MEMO1: variants seen among roughly 807,000 people sequenced by gnomAD.
MEMO1 encodes the protein mediator of cell motility 1.
Under a neutral mutation model 45.2 loss-of-function variants are expected in MEMO1, and 6 were observed. The ratio of observed to expected loss-of-function variants is 0.13; its 90% CI spans 0.07 to 0.26. MEMO1 has a LOEUF of 0.26. Among genes scored for constraint, MEMO1 ranks in the 10% least tolerant of loss-of-function variants. The pLI is 1.00. For synonymous variants in MEMO1, 78 were observed against 124.3 expected (o/e 0.63, Z 2.48); for missense variants, 184 against 370.5 (o/e 0.50, Z 4.13).
intron 4 of MEMO1, among the ~76,000 whole-genome samples, chr2:31,928,153 C>A (rs1366305204): frequency 1.3e-5 from 2 of 152,186 alleles, no homozygotes; most frequent in Non-Finnish European, 2.9e-5. Flanking sequence ...CTTCATAGAA[C>A]AGGCAAGTTT....
chr2:31,975,003 T>C (rs1430954169), intron 2 of MEMO1, among the ~76,000 whole-genome samples: 2 of 151,690 alleles, frequency 1.3e-5, no homozygotes. Flanking sequence ...AAACCCCATC[T>C]CTACTAAAAA....
At chr2:31,899,171 T>A (rs1048498069) in intron 6 of MEMO1, among the ~76,000 whole-genome samples, 2 of 152,106 alleles carry the variant, frequency 1.3e-5, no homozygotes, top group African/African-American at 2.4e-5. Flanking sequence ...CTTCACAGAA[T>A]TAGAAAAAAC....
At chr2:31,912,513 CA>C (rs752295550) in intron 6 of MEMO1, among the ~76,000 whole-genome samples, 2,008 of 60,544 alleles carry the variant, frequency 0.033, 10 homozygotes, top group African/African-American at 0.087. Flanking sequence ...AACTCTGTCT[CA>C]AAAAAAAAAA....
chr2:31,922,058 T>TA (rs1202625206), intron 4 of MEMO1, among the ~76,000 whole-genome samples: 1 of 151,978 alleles, frequency 6.6e-6, no homozygotes, highest in East Asian at 1.9e-4. Flanking sequence ...CCACATCACA[T>TA]ACAAAACTTA....
intron 8 of MEMO1, among the ~76,000 whole-genome samples, chr2:31,882,823 A>C (rs942138715): frequency 6.6e-6 from 1 of 152,180 alleles, no homozygotes; most frequent in Non-Finnish European, 1.5e-5. Flanking sequence ...ATTTACTTCA[A>C]GTTTACATAT....
At chr2:31,957,082 C>T (rs1240168396) in intron 2 of MEMO1, among the ~76,000 whole-genome samples, 2 of 146,920 alleles carry the variant, frequency 1.4e-5, no homozygotes, top group African/African-American at 2.5e-5. Context: ...GTGGAGATTG[C>T]GGTGAAATGA....
chr2:31,918,392 T>C (rs748768037), intron 5 of MEMO1, among the ~76,000 whole-genome samples: 4 of 152,340 alleles, frequency 2.6e-5, no homozygotes, highest in African/African-American at 9.6e-5. Flanking sequence ...TCTAGGCTTT[T>C]CCTTGACTTT....
intron 3 of MEMO1, among the ~76,000 whole-genome samples, chr2:31,933,351 T>TTATATATATATATATATATATA (rs370773425): frequency 9.8e-4 from 44 of 45,076 alleles, no homozygotes; most frequent in Middle Eastern, 0.028. Context: ...AAAAAAAAAT[T>TTATATATATATATATATATATA]TATATATATA....
intron 2 of MEMO1, among the ~76,000 whole-genome samples, chr2:31,978,127 C>T (rs1457856573): frequency 2.6e-5 from 4 of 152,112 alleles, no homozygotes; most frequent in African/African-American, 9.7e-5. Context: ...TGGCTCACAC[C>T]TGTAATCCCA....
Position 31,868,118 on chromosome 2 carries a change from C to T in MEMO1, c.*243G>A, listed in dbSNP as rs1572512127. 1 of 363,900 alleles carries T rather than the reference C, an allele frequency of 2.7e-6. No individual in the cohort carries two copies. 22.5% of individuals were successfully genotyped at this position (363,900 alleles called of 1,614,324 possible). A position where few individuals can be genotyped will look rare whatever the true frequency, so the allele number is the denominator to read the frequency against. On this transcript the variant is annotated 3_prime_UTR_variant, in exon 10 of 10. Transcript: ENST00000404530. ...TGCCACAACTGAGCCTTTACATTGT[C>T]ATCTTTTTTGATCAAAATATTTTGA... is the stretch of plus-strand genomic sequence containing the variant.
intron 2 of MEMO1, among the ~76,000 whole-genome samples, chr2:31,967,415 C>T (rs913133461): frequency 8.5e-5 from 13 of 152,160 alleles, no homozygotes; most frequent in East Asian, 5.8e-4. Flanking sequence ...TGAGCCACCG[C>T]GCCCGGCCAA....
intron 2 of MEMO1, among the ~76,000 whole-genome samples, chr2:31,999,491 GC>G (rs542847527): frequency 6.6e-6 from 1 of 151,800 alleles, no homozygotes; most frequent in African/African-American, 2.4e-5. Flanking sequence ...AGTGAGACCC[GC>G]CCCCCCATCT....
chr2:31,895,277 CCAG>C (rs1429103167), intron 6 of MEMO1, among the ~76,000 whole-genome samples: 2 of 152,020 alleles, frequency 1.3e-5, no homozygotes, highest in Admixed American at 1.3e-4. Context: ...AAATAAGCAG[CCAG>C]CAGAAGTTGT....
intron 2 of MEMO1, among the ~76,000 whole-genome samples, chr2:31,959,271 T>C (rs1667732857): frequency 6.6e-6 from 1 of 152,108 alleles, no homozygotes; most frequent in Non-Finnish European, 1.5e-5. Context: ...ATAAGAGCCA[T>C]CTGAACGTGG....
chr2:31,990,755 A>G (rs148416623), intron 2 of MEMO1, among the ~76,000 whole-genome samples: 30 of 152,190 alleles, frequency 2.0e-4, no homozygotes, highest in African/African-American at 6.3e-4. Context: ...CTGATTTGAT[A>G]TCTAGTGATA....
At chr2:31,967,124 A>AT (rs35691981) in intron 2 of MEMO1, among the ~76,000 whole-genome samples, 3 of 118,402 alleles carry the variant, frequency 2.5e-5, no homozygotes, top group Admixed American at 8.6e-5. Context: ...TCAGTATTTT[A>AT]TTTTTTTTTT....
At chr2:31,961,912 C>G (rs987024003) in intron 2 of MEMO1, among the ~76,000 whole-genome samples, 2 of 152,128 alleles carry the variant, frequency 1.3e-5, no homozygotes, top group African/African-American at 4.8e-5. Context: ...TGCTAAGAAT[C>G]TGAGCCATTT....
intron 3 of MEMO1, 88 bp downstream of exon 3, chr2:31,943,214 G>C (rs746539843): frequency 2.1e-6 from 2 of 974,492 alleles, no homozygotes; most frequent in Admixed American, 1.7e-5. Context: ...GCAGTGAGCC[G>C]AGACCATGCC....
At chr2:31,960,178 T>C (rs993311543) in intron 2 of MEMO1, among the ~76,000 whole-genome samples, 3 of 150,002 alleles carry the variant, frequency 2.0e-5, no homozygotes, top group African/African-American at 4.9e-5. Context: ...GCCTGGGTGA[T>C]AGAGCAAGAT....
Sources: gnomAD v4.1 joint callset for allele counts (sites outside exome capture counted in the v4.1 genomes callset) on GRCh38, gnomAD v4.1.1 for gene constraint, MANE v1.5 for transcripts, NCBI Gene and HGNC (gene_info 2026-07-23, HGNC 2026-07-21) for gene names.